Variants in SMYD3 observed in about 807,000 individuals in gnomAD.
The protein encoded by SMYD3 is SET and MYND domain containing 3, also known as histone-lysine N-methyltransferase SMYD3.
Under a neutral mutation model 57.7 loss-of-function variants are expected in SMYD3, and 36 were observed. The observed-to-expected ratio is 0.62, with a 90% CI of 0.48 to 0.82. SMYD3 has a LOEUF of 0.82. Ranked by LOEUF, SMYD3 falls within the 40% of genes least tolerant of loss-of-function variation. The probability of loss-of-function intolerance (pLI) is 0.00; values close to 1 mark genes in which losing one functional copy is unlikely to be tolerated. For missense variants in SMYD3, 515 were observed against 538.8 expected (o/e 0.96, Z 0.44); for synonymous variants, 211 against 195.0 (o/e 1.08, Z -0.68).
intron 1 of SMYD3, among the ~76,000 whole-genome samples, chr1:246,362,622 G>C (rs1368832585): frequency 5.9e-5 from 9 of 152,248 alleles, no homozygotes; most frequent in Non-Finnish European, 1.2e-4. Flanking sequence ...CGCCACGCCT[G>C]ACTGGTTTTC....
intron 10 of SMYD3, among the ~76,000 whole-genome samples, chr1:245,767,749 A>T (rs1239909741): frequency 1.3e-5 from 2 of 152,224 alleles, no homozygotes; most frequent in Non-Finnish European, 2.9e-5. Flanking sequence ...AGAGGCACAC[A>T]CACGTGCAAA....
At chr1:245,937,477 C>T (rs1244057008) in intron 5 of SMYD3, among the ~76,000 whole-genome samples, 2 of 152,190 alleles carry the variant, frequency 1.3e-5, no homozygotes, top group Non-Finnish European at 2.9e-5. Flanking sequence ...GGCATTTCAC[C>T]TCCTTAAAGC....
At chr1:246,501,624 C>G (rs893438369) in intron 1 of SMYD3, among the ~76,000 whole-genome samples, 17 of 152,168 alleles carry the variant, frequency 1.1e-4, no homozygotes, top group African/African-American at 3.4e-4. Context: ...CCTGAGAAAC[C>G]ATGATCCACA....
At chr1:246,400,947 A>G (rs1467580550) in intron 1 of SMYD3, among the ~76,000 whole-genome samples, 1 of 152,152 alleles carries the variant, frequency 6.6e-6, no homozygotes, top group Non-Finnish European at 1.5e-5. Flanking sequence ...TTTCAGACAC[A>G]CTCAAAATTC....
At chr1:245,755,312 A>AT (rs1404511014) in intron 11 of SMYD3, among the ~76,000 whole-genome samples, 1 of 152,210 alleles carries the variant, frequency 6.6e-6, no homozygotes, top group East Asian at 1.9e-4. Context: ...GTTTTGTGGC[A>AT]TAAAATGGTC....
chr1:246,001,867 C>A (rs1021857632), intron 5 of SMYD3, among the ~76,000 whole-genome samples: 1 of 152,108 alleles, frequency 6.6e-6, no homozygotes. Context: ...CAGAAAGAGA[C>A]CTGGGATCCT....
chr1:245,751,726 C>T (rs867157409), intron 11 of SMYD3, among the ~76,000 whole-genome samples: 1 of 152,302 alleles, frequency 6.6e-6, no homozygotes, highest in African/African-American at 2.4e-5. Context: ...CAGTCTGGCC[C>T]CTCACCCTGT....
At chr1:246,446,752 G>A (rs920731892) in intron 1 of SMYD3, among the ~76,000 whole-genome samples, 9 of 152,072 alleles carry the variant, frequency 5.9e-5, no homozygotes, top group African/African-American at 1.4e-4. Context: ...ATCCTAGGCC[G>A]GGCGCTGTGG....
chr1:246,304,603 A>C (rs1197627), intron 5 of SMYD3, among the ~76,000 whole-genome samples: 78,236 of 151,994 alleles, frequency 0.51, 20,754 homozygotes, highest in East Asian at 0.82. Context: ...AGCCCAAAGC[A>C]TGAAAATCCA....
intron 5 of SMYD3, among the ~76,000 whole-genome samples, chr1:246,038,086 C>T (rs538993058): frequency 6.6e-6 from 1 of 152,316 alleles, no homozygotes; most frequent in Admixed American, 6.5e-5. Flanking sequence ...GGGCCTTGGG[C>T]TGTAGTTCCC....
intron 5 of SMYD3, among the ~76,000 whole-genome samples, chr1:246,034,952 C>T (rs1174478205): frequency 6.6e-6 from 1 of 152,150 alleles, no homozygotes; most frequent in African/African-American, 2.4e-5. Flanking sequence ...GACACACAGA[C>T]ACCTTCCTCC....
At chr1:246,347,671 T>G (rs962108903) in intron 2 of SMYD3, among the ~76,000 whole-genome samples, 2 of 152,158 alleles carry the variant, frequency 1.3e-5, no homozygotes, top group East Asian at 1.9e-4. Context: ...ATGGGCAGGA[T>G]TAATTCCAGT....
At chr1:246,030,950 T>C (rs1332719423) in intron 5 of SMYD3, among the ~76,000 whole-genome samples, 1 of 152,102 alleles carries the variant, frequency 6.6e-6, no homozygotes, top group Non-Finnish European at 1.5e-5. Flanking sequence ...TGTGGACGTG[T>C]TTAGTGGGGG....
Position 245,894,826 on chromosome 1 carries a change from A to G in SMYD3, c.813+20704T>C, listed in dbSNP as rs115904657. ...GAGCTGGAGGCTTATGAAGCCCCAA[A>G]GATGGTAGAAAAGAATGTGTGTGCA... On this transcript the variant is annotated intron_variant, in intron 8 of 11. Transcript: ENST00000490107. Among the ~76,000 whole-genome samples, 194 of 152,310 alleles carry G rather than the reference A, an allele frequency of 1.3e-3. 1 individual carries two copies. Among genetic ancestry groups the G allele is most frequent in the African/African-American group, 4.5e-3 (187 of 41,570 alleles).
chr1:246,138,094 A>G (rs2061690789), intron 5 of SMYD3, among the ~76,000 whole-genome samples: 1 of 152,152 alleles, frequency 6.6e-6, no homozygotes, highest in African/African-American at 2.4e-5. Context: ...CCAGCTGAAT[A>G]AAAATATAGT....
chr1:246,020,596 T>C (rs79157257), intron 5 of SMYD3, among the ~76,000 whole-genome samples: 2,685 of 152,276 alleles, frequency 0.018, 39 homozygotes, highest in African/African-American at 0.041. Flanking sequence ...ATAACAATAA[T>C]AACAGTAGCT....
intron 10 of SMYD3, among the ~76,000 whole-genome samples, chr1:245,842,743 C>G (rs966680884): frequency 2.6e-5 from 4 of 152,050 alleles, no homozygotes; most frequent in African/African-American, 9.7e-5. Context: ...GGGTCTTGTT[C>G]TGTTGCCCAG....
At chr1:245,856,664 C>A (rs1275567975) in intron 10 of SMYD3, among the ~76,000 whole-genome samples, 1 of 152,072 alleles carries the variant, frequency 6.6e-6, no homozygotes, top group African/African-American at 2.4e-5. Context: ...GAACAGACAC[C>A]CGTGTAGGTG....
intron 5 of SMYD3, among the ~76,000 whole-genome samples, chr1:246,295,974 T>TTGTATGTA (rs2064785962): frequency 1.3e-5 from 2 of 152,230 alleles, no homozygotes; most frequent in African/African-American, 4.8e-5. Context: ...TGTTCTGCTG[T>TTGTATGTA]TGTATGTATG....
Sources: gnomAD v4.1 joint callset for allele counts (sites outside exome capture counted in the v4.1 genomes callset) on GRCh38, gnomAD v4.1.1 for gene constraint, MANE v1.5 for transcripts, NCBI Gene and HGNC (gene_info 2026-07-23, HGNC 2026-07-21) for gene names.